Variants in SND1 observed in about 807,000 individuals in gnomAD.
The protein encoded by SND1 is staphylococcal nuclease domain-containing protein 1.
A neutral mutation model predicts 121.7 loss-of-function variants in SND1; 38 were observed. The observed-to-expected ratio is 0.31, with a 90% CI of 0.24 to 0.41. SND1 has a LOEUF of 0.41. SND1 is among the 10% of genes least tolerant of loss of function. SND1 has a pLI of 1.00. For synonymous variants in SND1, 401 were observed against 447.4 expected (o/e 0.90, Z 1.31); for missense variants, 868 against 1,184.6 (o/e 0.73, Z 3.92).
intron 12 of SND1, chr7:127,858,335 C>T (rs1799320698): frequency 9.2e-6 from 12 of 1,306,946 alleles, no homozygotes; most frequent in South Asian, 7.5e-5. Context: ...GCCTCCTCCT[C>T]GGGCCCCCAG....
chr7:127,971,315 G>A (rs1247911218), intron 15 of SND1, among the ~76,000 whole-genome samples: 1 of 152,204 alleles, frequency 6.6e-6, no homozygotes, highest in Admixed American at 6.5e-5. Flanking sequence ...GAAGGAGAGA[G>A]GGCTGTGAAA....
intron 17 of SND1, among the ~76,000 whole-genome samples, chr7:128,080,435 A>C (rs1255539267): frequency 6.6e-6 from 1 of 152,282 alleles, no homozygotes; most frequent in Non-Finnish European, 1.5e-5. Flanking sequence ...GGCTGAGGTC[A>C]GAGCAACCTG....
At chr7:127,675,154 T>C (rs1169021848) in intron 1 of SND1, among the ~76,000 whole-genome samples, 1 of 152,240 alleles carries the variant, frequency 6.6e-6, no homozygotes, top group East Asian at 1.9e-4. Flanking sequence ...TGAGCCGAGA[T>C]TGTGCCATTG....
At chr7:128,058,249 C>G (rs188284000) in intron 16 of SND1, among the ~76,000 whole-genome samples, 107 of 152,400 alleles carry the variant, frequency 7.0e-4, no homozygotes, top group African/African-American at 2.3e-3. Context: ...CGTTTCTATT[C>G]TCACTACATG....
chr7:127,768,676 T>C (rs1797461007), intron 10 of SND1, among the ~76,000 whole-genome samples: 1 of 152,230 alleles, frequency 6.6e-6, no homozygotes, highest in South Asian at 2.1e-4. Flanking sequence ...ATAGCAGAGT[T>C]GTGGTTTTTA....
intron 13 of SND1, among the ~76,000 whole-genome samples, chr7:127,902,003 G>C (rs1035649126): frequency 1.3e-5 from 2 of 152,132 alleles, no homozygotes; most frequent in African/African-American, 4.8e-5. Context: ...TCTGATGTTA[G>C]TTTTTTCCTC....
chr7:127,695,070 G>T, intron 3 of SND1, 122 bp downstream of exon 3: 12 of 1,170,768 alleles, frequency 1.0e-5, no homozygotes, highest in Non-Finnish European at 1.3e-5. Flanking sequence ...TTGGCTGAAG[G>T]CATAAATGCA....
At chr7:127,833,861 TA>T (rs1202161015) in intron 11 of SND1, among the ~76,000 whole-genome samples, 2 of 152,226 alleles carry the variant, frequency 1.3e-5, no homozygotes, top group East Asian at 3.8e-4. Context: ...ACCCATTAAA[TA>T]AATCTCTCCA....
intron 13 of SND1, among the ~76,000 whole-genome samples, chr7:127,901,855 CA>C (rs1268317885): frequency 1.3e-5 from 2 of 152,128 alleles, no homozygotes; most frequent in African/African-American, 4.8e-5. Context: ...TGCCAGAACA[CA>C]AATAAGTATC....
intron 11 of SND1, among the ~76,000 whole-genome samples, chr7:127,839,548 C>T (rs1057271600): frequency 6.6e-6 from 1 of 152,132 alleles, no homozygotes; most frequent in African/African-American, 2.4e-5. Flanking sequence ...TCTAGTCATA[C>T]ATTGTATGAA....
intron 14 of SND1, among the ~76,000 whole-genome samples, chr7:127,918,363 GATGACTTTTTTTCTTTTAGAAACAAAA>G: frequency 6.6e-6 from 1 of 151,970 alleles, no homozygotes; most frequent in African/African-American, 2.4e-5. Flanking sequence ...ACCGCCCCCA[GATGACTTTTTTTCTTTTAGAAACAAAA>G]CCTTAGGCAT....
chr7:127,988,256 T>G (rs1490302287), intron 15 of SND1, among the ~76,000 whole-genome samples: 2 of 152,220 alleles, frequency 1.3e-5, no homozygotes, highest in African/African-American at 4.8e-5. Flanking sequence ...CTCCTGGCCC[T>G]GACTTTGTAC....
intron 11 of SND1, among the ~76,000 whole-genome samples, chr7:127,810,264 G>A (rs942524272): frequency 1.3e-5 from 2 of 152,104 alleles, no homozygotes; most frequent in African/African-American, 4.8e-5. Context: ...TGTGCATGAG[G>A]GCTTTAGCTT....
At chr7:127,766,635 C>T (rs961567021) in intron 10 of SND1, among the ~76,000 whole-genome samples, 8 of 151,612 alleles carry the variant, frequency 5.3e-5, no homozygotes, top group Admixed American at 1.3e-4. Context: ...ATTAGCCGGG[C>T]GTGGTGGCGG....
rs1793739146 is a variant in SND1 at position 128,089,437 on chromosome 7, C to T, written c.2419-52C>T. 2.0e-6 allele frequency: 3 copies of T among 1,528,746 alleles called. No homozygotes were observed. In the African/African-American group the frequency reaches 4.1e-5, roughly 21 times the overall value. The allele number at this position is 1,528,746 out of a possible 1,614,324, so 94.7% of individuals were successfully genotyped here. On this transcript the variant is annotated intron_variant, in intron 21 of 23. Coordinates refer to ENST00000354725, the MANE Select transcript of SND1 (RefSeq NM_014390.4). ...GGGAGTCTATGGACAGGAGCTGGGG[C>T]CCAAGTGGTTGTTCTCTGGCTTGCT... is the stretch of plus-strand genomic sequence containing the variant.
chr7:127,916,909 G>T (rs567850641), intron 14 of SND1, among the ~76,000 whole-genome samples: 38 of 152,246 alleles, frequency 2.5e-4, no homozygotes, highest in African/African-American at 9.1e-4. Context: ...TAGGAGTTTC[G>T]TAACAATAGG....
chr7:128,032,391 C>A (rs1472183398), intron 16 of SND1, among the ~76,000 whole-genome samples: 1 of 151,446 alleles, frequency 6.6e-6, no homozygotes, highest in Non-Finnish European at 1.5e-5. Context: ...AGCGGGCGAG[C>A]GAGCCGGAGT....
intron 15 of SND1, among the ~76,000 whole-genome samples, chr7:127,973,543 T>G (rs1802049346): frequency 6.6e-6 from 1 of 152,170 alleles, no homozygotes; most frequent in South Asian, 2.1e-4. Context: ...GGGTTAGAAC[T>G]GTCAAATGTC....
At chr7:127,884,780 G>A (rs1056862133) in intron 12 of SND1, among the ~76,000 whole-genome samples, 6 of 152,114 alleles carry the variant, frequency 3.9e-5, no homozygotes, top group African/African-American at 1.4e-4. Context: ...TATAGAACCT[G>A]AACCAACATA....
Sources: gnomAD v4.1 joint callset for allele counts (sites outside exome capture counted in the v4.1 genomes callset) on GRCh38, gnomAD v4.1.1 for gene constraint, MANE v1.5 for transcripts, NCBI Gene and HGNC (gene_info 2026-07-23, HGNC 2026-07-21) for gene names.